FRMD5: variants seen among roughly 807,000 people sequenced by gnomAD.
FRMD5 encodes FERM domain containing 5.
In FRMD5, 20 loss-of-function variants were observed where a neutral mutation model predicts 69.0. The ratio of observed to expected loss-of-function variants is 0.29; its 90% confidence interval spans 0.20 to 0.42. FRMD5 has a LOEUF of 0.42. Ranked by LOEUF, FRMD5 falls within the 10% of genes least tolerant of loss-of-function variation. The pLI is 1.00. For missense variants in FRMD5, 595 were observed against 708.6 expected (o/e 0.84, Z 1.82); for synonymous variants, 271 against 260.1 (o/e 1.04, Z -0.40).
intron 4 of FRMD5, among the ~76,000 whole-genome samples, chr15:43,910,795 T>C (rs376133196): frequency 1.3e-5 from 2 of 152,244 alleles, no homozygotes; most frequent in East Asian, 1.9e-4. Flanking sequence ...CAATAACTTA[T>C]TTAATTCTCA....
chr15:43,947,953 A>C (rs2089972404), intron 1 of FRMD5, among the ~76,000 whole-genome samples: 1 of 119,018 alleles, frequency 8.4e-6, no homozygotes, highest in African/African-American at 3.2e-5. Flanking sequence ...GTAGATCCTG[A>C]ATAAGAGGGG....
intron 13 of FRMD5, among the ~76,000 whole-genome samples, chr15:43,881,244 CAGCCTCAGAGGGATGGAAAGAAA>C (rs1277110236): frequency 6.6e-6 from 1 of 152,136 alleles, no homozygotes; most frequent in African/African-American, 2.4e-5. Flanking sequence ...CCTCTAGCTT[CAGCCTCAGAGGGATGGAAAGAAA>C]GGCCACAGAG....
chr15:43,937,466 T>C (rs553839198), intron 1 of FRMD5, among the ~76,000 whole-genome samples: 1 of 152,058 alleles, frequency 6.6e-6, no homozygotes, highest in East Asian at 1.9e-4. Flanking sequence ...GGCAAAACCC[T>C]GTCTCTACTA....
At chr15:44,094,246 T>C (rs1480038103) in intron 1 of FRMD5, among the ~76,000 whole-genome samples, 1 of 152,156 alleles carries the variant, frequency 6.6e-6, no homozygotes, top group African/African-American at 2.4e-5. Flanking sequence ...TGTCTGTATA[T>C]AGATAAGAGG....
At chr15:44,134,009 T>C (rs974648856) in intron 1 of FRMD5, among the ~76,000 whole-genome samples, 16 of 152,024 alleles carry the variant, frequency 1.1e-4, no homozygotes, top group Non-Finnish European at 5.9e-5. Flanking sequence ...AATAAGCCAA[T>C]ATGGATGGTC....
chr15:43,909,403 A>AAAAAC (rs1391575455), intron 5 of FRMD5, among the ~76,000 whole-genome samples: 1 of 151,672 alleles, frequency 6.6e-6, no homozygotes, highest in Non-Finnish European at 1.5e-5. Context: ...CCATCTCAAA[A>AAAAAC]AAAACAAAAC....
intron 1 of FRMD5, among the ~76,000 whole-genome samples, chr15:44,042,275 T>C (rs1320390716): frequency 6.6e-6 from 1 of 152,048 alleles, no homozygotes; most frequent in Non-Finnish European, 1.5e-5. Context: ...AGTTCTGAAA[T>C]TGAGGCAGTA....
chr15:43,924,513 AC>A (rs2140451134), intron 1 of FRMD5, among the ~76,000 whole-genome samples: 1 of 152,266 alleles, frequency 6.6e-6, no homozygotes, highest in African/African-American at 2.4e-5. Context: ...GAGCCCAAGA[AC>A]CCTTCCCACC....
intron 1 of FRMD5, among the ~76,000 whole-genome samples, chr15:43,981,841 T>C (rs1474274707): frequency 6.6e-6 from 1 of 152,248 alleles, no homozygotes; most frequent in Non-Finnish European, 1.5e-5. Flanking sequence ...GTGGTGTCTG[T>C]TAACTCTTGC....
intron 1 of FRMD5, among the ~76,000 whole-genome samples, chr15:44,160,138 G>A (rs2077591568): frequency 6.6e-6 from 1 of 152,224 alleles, no homozygotes; most frequent in African/African-American, 2.4e-5. Context: ...CAGATCACTT[G>A]AGGTCAGGAG....
At position 43,874,128 on chromosome 15, in the gene FRMD5, C is replaced by T; in HGVS notation, c.1470G>A (p.Glu490=). Residue 490 remains glutamate, a synonymous_variant, in exon 14 of 14, where the codon GAG becomes GAA. Coordinates refer to ENST00000417257, the MANE Select transcript of FRMD5 (RefSeq NM_032892.5). ...RALCQGHSGP[E]EEQVNKFVLS... ...GAACAAACTTATTCACCTGTTCCTC[C>T]TCGGGCCCGCTGTGCCCCTGACACA... 1 of 1,614,198 alleles carries T rather than the reference C, an allele frequency of 6.2e-7. No individual in the cohort carries two copies. Among genetic ancestry groups the T allele is most frequent in the Non-Finnish European group, 8.5e-7 (1 of 1,180,024 alleles).
chr15:43,977,673 G>C (rs1230375926), intron 1 of FRMD5, among the ~76,000 whole-genome samples: 1 of 152,218 alleles, frequency 6.6e-6, no homozygotes, highest in Admixed American at 6.5e-5. Context: ...AACTGAAAAA[G>C]TCAGCAGGTT....
chr15:44,129,225 G>A (rs2077065680), intron 1 of FRMD5, among the ~76,000 whole-genome samples: 1 of 151,830 alleles, frequency 6.6e-6, no homozygotes, highest in African/African-American at 2.4e-5. Flanking sequence ...ATTTTTTAAA[G>A]TCAATTCAAG....
chr15:44,063,959 C>A, intron 1 of FRMD5: 1 of 246,264 alleles, frequency 4.1e-6, no homozygotes, highest in Non-Finnish European at 8.1e-6. Flanking sequence ...GTCAGTAATG[C>A]CTCCTGTACC....
intron 11 of FRMD5, 151 bp from the exon 12 acceptor site, chr15:43,884,946 C>T: frequency 3.2e-6 from 2 of 634,102 alleles, no homozygotes; most frequent in Non-Finnish European, 5.6e-6. Context: ...GAAAGGCTTG[C>T]TTGGTGGGGT....
intron 1 of FRMD5, among the ~76,000 whole-genome samples, chr15:44,147,315 T>C (rs1178177128): frequency 2.6e-5 from 4 of 152,142 alleles, no homozygotes; most frequent in Non-Finnish European, 5.9e-5. Flanking sequence ...TGTGCAGTCT[T>C]ATTTCTGAGA....
intron 1 of FRMD5, among the ~76,000 whole-genome samples, chr15:44,003,530 C>A (rs1014594606): frequency 1.3e-5 from 2 of 152,164 alleles, no homozygotes; most frequent in African/African-American, 2.4e-5. Context: ...TCCTATTACT[C>A]CCTTCATCAT....
upstream of FRMD5, among the ~76,000 whole-genome samples, chr15:44,199,005 G>A (rs755723812): frequency 3.3e-5 from 5 of 152,032 alleles, no homozygotes; most frequent in Admixed American, 2.0e-4. Flanking sequence ...TATCCCCCAC[G>A]TATGCCTGAA....
chr15:43,876,120 T>A, intron 13 of FRMD5: 2 of 1,499,132 alleles, frequency 1.3e-6, no homozygotes, highest in Non-Finnish European at 1.9e-6. Flanking sequence ...CCATAGAATG[T>A]GTCTGACCTT....
Sources: gnomAD v4.1 joint callset for allele counts (sites outside exome capture counted in the v4.1 genomes callset) on GRCh38, gnomAD v4.1.1 for gene constraint, MANE v1.5 for transcripts, NCBI Gene and HGNC (gene_info 2026-07-23, HGNC 2026-07-21) for gene names.